The following NSUN6 variants were observed in gnomAD, a reference collection of about 807,000 sequenced individuals.
NSUN6 encodes tRNA (cytosine(72)-C(5))-methyltransferase NSUN6.
A neutral mutation model predicts 58.0 loss-of-function variants in NSUN6; 64 were observed. The ratio of observed to expected loss-of-function variants is 1.10; its 90% CI spans 0.90 to 1.36. The LOEUF (loss-of-function observed/expected upper bound fraction) is 1.36. NSUN6 is among the 40% of genes most tolerant of loss of function. The pLI, the probability that NSUN6 is intolerant of heterozygous loss-of-function variation, is 0.00. For synonymous variants in NSUN6, 231 were observed against 193.9 expected (o/e 1.19, Z -1.59); for missense variants, 701 against 550.1 (o/e 1.27, Z -2.74).
chr10:18,622,714 G>A (rs572128038), intron 3 of NSUN6, among the ~76,000 whole-genome samples: 1 of 152,106 alleles, frequency 6.6e-6, no homozygotes, highest in African/African-American at 2.4e-5. Flanking sequence ...CGCCTTGGGG[G>A]GAAAAAGATG....
intron 7 of NSUN6, 40 bp from the exon 8 acceptor site, chr10:18,586,133 A>T: frequency 6.9e-7 from 1 of 1,458,800 alleles, no homozygotes; most frequent in Non-Finnish European, 9.2e-7. Context: ...AAAAAAAAAA[A>T]GAAAATTATA....
At chr10:18,560,052 GAATGAAATGGAA>G (rs1020571521) in intron 8 of NSUN6, among the ~76,000 whole-genome samples, 12 of 95,534 alleles carry the variant, frequency 1.3e-4, no homozygotes, top group Middle Eastern at 4.6e-3. Flanking sequence ...ATGGAGAATG[GAATGAAATGGAA>G]AATGGAATGG....
At chr10:18,575,197 T>C in intron 8 of NSUN6, among the ~76,000 whole-genome samples, 1 of 152,144 alleles carries the variant, frequency 6.6e-6, no homozygotes, top group East Asian at 1.9e-4. Context: ...TCAGAGTTTA[T>C]GGTTGTATAG....
Position 18,586,649 on chromosome 10 carries a change from G to A in NSUN6, c.778-556C>T, listed in dbSNP as rs184202023. On this transcript the variant is annotated intron_variant, in intron 7 of 10. Coordinates refer to ENST00000377304, the MANE Select transcript of NSUN6 (RefSeq NM_182543.5). ...TCTCGCTGACTTCAGGAGTGAAGCC[G>A]CAGACCTTCGTAGTGAGTGTTACAG... Among the ~76,000 whole-genome samples, 13 of 152,300 alleles carry A rather than the reference G, an allele frequency of 8.5e-5. No homozygotes were observed. The East Asian group carries it at 9.6e-4, about 11-fold the overall frequency.
At chr10:18,581,130 T>A (rs1224714888) in intron 8 of NSUN6, among the ~76,000 whole-genome samples, 2 of 152,066 alleles carry the variant, frequency 1.3e-5, no homozygotes. Flanking sequence ...AGTGGCCTGC[T>A]CGCACTTGGG....
chr10:18,606,005 T>G (rs549094490), intron 6 of NSUN6, among the ~76,000 whole-genome samples: 1 of 152,058 alleles, frequency 6.6e-6, no homozygotes, highest in East Asian at 1.9e-4. Context: ...GGATCAGAGA[T>G]AGACATGATG....
At chr10:18,625,150 C>A (rs2058747148) in intron 3 of NSUN6, among the ~76,000 whole-genome samples, 1 of 152,102 alleles carries the variant, frequency 6.6e-6, no homozygotes, top group East Asian at 1.9e-4. Flanking sequence ...GCCTCTTTTC[C>A]CTTGCTGGTT....
intron 2 of NSUN6, among the ~76,000 whole-genome samples, chr10:18,643,821 T>C (rs770898955): frequency 4.5e-4 from 69 of 152,240 alleles, no homozygotes; most frequent in Middle Eastern, 3.2e-3. Context: ...ACTATAGAAA[T>C]ATCTTATACA....
intron 3 of NSUN6, among the ~76,000 whole-genome samples, chr10:18,625,559 A>G (rs1304597817): frequency 6.6e-6 from 1 of 151,646 alleles, no homozygotes; most frequent in Non-Finnish European, 1.5e-5. Flanking sequence ...CTAAAAATAC[A>G]AAAGTCAGCC....
At chr10:18,609,231 A>G (rs750493241) in intron 6 of NSUN6, among the ~76,000 whole-genome samples, 2 of 152,156 alleles carry the variant, frequency 1.3e-5, no homozygotes, top group Non-Finnish European at 1.5e-5. Context: ...AGATCGCTTG[A>G]GCCCAGGAGT....
chr10:18,614,942 C>T (rs2058358939), intron 4 of NSUN6, among the ~76,000 whole-genome samples: 1 of 152,100 alleles, frequency 6.6e-6, no homozygotes, highest in Non-Finnish European at 1.5e-5. Flanking sequence ...GACATCTCAG[C>T]TCAAACCTCA....
chr10:18,604,074 C>T (rs928923458), intron 6 of NSUN6, among the ~76,000 whole-genome samples: 6 of 152,104 alleles, frequency 3.9e-5, no homozygotes, highest in South Asian at 2.1e-4. Context: ...CCCACCTACT[C>T]GGGAGGCTGA....
Position 18,651,564 on chromosome 10 carries a change from C to T in NSUN6, c.-361G>A. The T allele has an allele frequency of 1.0e-6, 1 of 1,001,132 alleles. No individual in the cohort carries two copies. The highest frequency in any genetic ancestry group is 1.7e-5 in the African/African-American group (1 of 58,144). The allele number at this position is 1,001,132 out of a possible 1,614,324, so 62.0% of individuals were successfully genotyped here. ...GATCAGTAAGCCAGGCTGACAGCAG[C>T]TCGGTCCCTTTATCTTTTCTATCAA... On this transcript the variant is annotated 5_prime_UTR_variant, in exon 1 of 11. Transcript: ENST00000377304.
chr10:18,565,205 G>A (rs547761783), intron 8 of NSUN6, among the ~76,000 whole-genome samples: 19 of 141,160 alleles, frequency 1.3e-4, no homozygotes, highest in South Asian at 6.7e-4. Flanking sequence ...TCTCCATTCC[G>A]TTCCATAACA....
chr10:18,567,032 C>T (rs914367553), intron 8 of NSUN6, among the ~76,000 whole-genome samples: 22 of 151,482 alleles, frequency 1.5e-4, no homozygotes, highest in African/African-American at 5.1e-4. Flanking sequence ...ATTCTCCATT[C>T]CATTCCATAT....
chr10:18,654,153 T>C (rs1002272992), upstream of NSUN6, among the ~76,000 whole-genome samples: 1 of 152,160 alleles, frequency 6.6e-6, no homozygotes, highest in Non-Finnish European at 1.5e-5. Context: ...TGGAGTGCAA[T>C]GGCATGATCT....
intron 4 of NSUN6, 98 bp downstream of exon 4, chr10:18,616,086 T>A (rs2058399182): frequency 1.4e-6 from 1 of 714,674 alleles, no homozygotes; most frequent in Non-Finnish European, 2.4e-6. Flanking sequence ...CCAAGAAAAA[T>A]TTGGAATATA....
At chr10:18,602,064 G>GTTGTT (rs769260441) in intron 6 of NSUN6, among the ~76,000 whole-genome samples, 21 of 151,590 alleles carry the variant, frequency 1.4e-4, no homozygotes, top group Middle Eastern at 3.4e-3. Flanking sequence ...TAATGGTGGG[G>GTTGTT]TTGTTTTGTT....
rs368703468 is a variant in NSUN6, at chr10:18,546,169, A to G, written c.1198-24T>C. 97 of 1,457,164 alleles carry G rather than the reference A, an allele frequency of 6.7e-5. No individual in the cohort carries two copies. The African/African-American group carries it at 1.1e-3, about 16-fold the overall frequency. 90.3% of individuals were successfully genotyped at this position (1,457,164 alleles called of 1,614,324 possible). A position where few individuals can be genotyped will look rare whatever the true frequency, so the allele number is the denominator to read the frequency against. ...TCCTGTTTGGAGAAAGTGGATCAAT[A>G]TGGATGAACATCCTGTAATTAGCAA... On this transcript the variant is annotated intron_variant, in intron 10 of 10. Transcript: ENST00000377304.
Sources: gnomAD v4.1 joint callset for allele counts (sites outside exome capture counted in the v4.1 genomes callset) on GRCh38, gnomAD v4.1.1 for gene constraint, MANE v1.5 for transcripts, NCBI Gene and HGNC (gene_info 2026-07-23, HGNC 2026-07-21) for gene names.